Variants in NALF1 observed in about 807,000 individuals in gnomAD.
NALF1 encodes NALCN channel auxiliary factor 1, also known as family with sequence similarity 155 member A.
In NALF1, 3 loss-of-function variants were observed where a neutral mutation model predicts 48.4. The observed-to-expected ratio is 0.06, with a 90% CI of 0.03 to 0.16. NALF1 has a LOEUF of 0.16. NALF1 is among the 10% of genes least tolerant of loss of function. NALF1 has a pLI of 1.00. For missense variants in NALF1, 526 were observed against 571.5 expected (o/e 0.92, Z 0.81); for synonymous variants, 262 against 245.7 (o/e 1.07, Z -0.62).
At chr13:107,413,569 T>C (rs1022165608) in intron 1 of NALF1, among the ~76,000 whole-genome samples, 6 of 152,076 alleles carry the variant, frequency 3.9e-5, no homozygotes, top group Non-Finnish European at 8.8e-5. Context: ...AATAGGTGAC[T>C]ATCTGTTTGT....
At chr13:107,732,509 C>T (rs1421775353) in intron 1 of NALF1, among the ~76,000 whole-genome samples, 3 of 152,148 alleles carry the variant, frequency 2.0e-5, no homozygotes, top group Non-Finnish European at 4.4e-5. Context: ...GTGGCAGTAC[C>T]TATGTCCTTC....
chr13:107,843,922 A>G (rs888308190), intron 1 of NALF1, among the ~76,000 whole-genome samples: 1 of 152,308 alleles, frequency 6.6e-6, no homozygotes. Context: ...CCCTAATAGC[A>G]AATGCTATTG....
At chr13:107,841,968 AAAT>A (rs1880053570) in intron 1 of NALF1, among the ~76,000 whole-genome samples, 1 of 152,058 alleles carries the variant, frequency 6.6e-6, no homozygotes, top group Admixed American at 6.6e-5. Context: ...CACATATTAA[AAAT>A]AAAAATATGC....
intron 1 of NALF1, among the ~76,000 whole-genome samples, chr13:107,567,134 T>C (rs925689100): frequency 7.9e-5 from 12 of 152,208 alleles, no homozygotes; most frequent in Non-Finnish European, 1.6e-4. Context: ...AATTTTGTCC[T>C]TATATGTGAT....
rs939962813 is a variant in NALF1, at chr13:107,528,684, T to C, written c.916-317929A>G. Among the ~76,000 whole-genome samples the C allele has an allele frequency of 3.9e-5, 6 of 152,180 alleles. No homozygotes were observed. The South Asian group carries it at 1.0e-3, about 26-fold the overall frequency. On this transcript the variant is annotated intron_variant, in intron 1 of 2. Coordinates refer to ENST00000375915, the MANE Select transcript of NALF1 (RefSeq NM_001080396.3). ...AGATAACATAGTAGGTCCTGAGGAA[T>C]TACCCCATCAGAGAAGGACAGTGGA... is the stretch of plus-strand genomic sequence containing the variant.
intron 1 of NALF1, chr13:107,320,968 T>C (rs1882243698): frequency 5.7e-6 from 1 of 174,214 alleles, no homozygotes; most frequent in South Asian, 1.5e-4. Context: ...GGTGGTATCA[T>C]TAAGAATGGT....
intron 1 of NALF1, among the ~76,000 whole-genome samples, chr13:107,658,221 T>C (rs539934444): frequency 6.6e-6 from 1 of 151,484 alleles, no homozygotes; most frequent in South Asian, 2.1e-4. Context: ...TTGGTGGATT[T>C]ATCTTACTTA....
At chr13:107,255,228 G>A (rs150193770) in intron 1 of NALF1, among the ~76,000 whole-genome samples, 5 of 152,252 alleles carry the variant, frequency 3.3e-5, no homozygotes, top group South Asian at 2.1e-4. Context: ...AAACACAATC[G>A]ACTGCTTCCC....
At chr13:107,749,128 TTGTGTGTGTGTG>T (rs58213843) in intron 1 of NALF1, among the ~76,000 whole-genome samples, 2 of 147,346 alleles carry the variant, frequency 1.4e-5, no homozygotes, top group East Asian at 2.0e-4. Flanking sequence ...ATGTCTATAA[TTGTGTGTGTGTG>T]TGTGTGTGTG....
intron 1 of NALF1, among the ~76,000 whole-genome samples, chr13:107,743,130 G>A (rs964520475): frequency 3.9e-5 from 6 of 152,140 alleles, no homozygotes; most frequent in African/African-American, 1.4e-4. Flanking sequence ...TTAGCATGTC[G>A]ATATCCCAAC....
rs141842485 is a variant in NALF1 at position 107,850,470 on chromosome 13, C to T, written c.915+15212G>A. Among the ~76,000 whole-genome samples, 1,198 of 152,272 alleles carry T rather than the reference C, an allele frequency of 7.9e-3. 6 individuals are homozygous for T. The highest frequency in any genetic ancestry group is 0.024 in the Middle Eastern group (7 of 294). ...ATAAGTAATAGACTTTACATGCACA[C>T]ATACACACGAAAAGCCGAATCATGG... On this transcript the variant is annotated intron_variant, in intron 1 of 2. Coordinates refer to ENST00000375915, the MANE Select transcript of NALF1 (RefSeq NM_001080396.3).
At chr13:107,304,082 A>T (rs1172410563) in intron 1 of NALF1, among the ~76,000 whole-genome samples, 3 of 152,196 alleles carry the variant, frequency 2.0e-5, no homozygotes, top group African/African-American at 4.8e-5. Context: ...ACACAAGTGG[A>T]TAATTGTGAG....
chr13:107,790,443 T>G (rs1263039441), intron 1 of NALF1, among the ~76,000 whole-genome samples: 1 of 152,164 alleles, frequency 6.6e-6, no homozygotes, highest in Non-Finnish European at 1.5e-5. Context: ...AAACTATACA[T>G]TGTCTAATTA....
chr13:107,529,792 G>A (rs903755580), intron 1 of NALF1, among the ~76,000 whole-genome samples: 2 of 152,074 alleles, frequency 1.3e-5, no homozygotes, highest in Non-Finnish European at 2.9e-5. Flanking sequence ...TGAAGGAAAG[G>A]ATGATGTCTC....
intron 1 of NALF1, among the ~76,000 whole-genome samples, chr13:107,817,015 C>G (rs1275967183): frequency 1.3e-5 from 2 of 152,130 alleles, no homozygotes. Context: ...TTTTTAATCT[C>G]TTCAGAACTT....
intron 1 of NALF1, among the ~76,000 whole-genome samples, chr13:107,241,466 G>C (rs1007120263): frequency 1.2e-4 from 19 of 152,320 alleles, no homozygotes; most frequent in Admixed American, 7.8e-4. Context: ...TACTCAATGA[G>C]AGCATGAATT....
chr13:107,843,663 C>T (rs937560712), intron 1 of NALF1, among the ~76,000 whole-genome samples: 1 of 152,064 alleles, frequency 6.6e-6, no homozygotes, highest in Non-Finnish European at 1.5e-5. Flanking sequence ...GCTTTGTTTT[C>T]CAGCAGATAC....
chr13:107,549,386 G>A (rs1457077470), intron 1 of NALF1, among the ~76,000 whole-genome samples: 1 of 152,122 alleles, frequency 6.6e-6, no homozygotes, highest in Non-Finnish European at 1.5e-5. Context: ...GCCATTAAGA[G>A]TCTCTAAGAA....
intron 1 of NALF1, among the ~76,000 whole-genome samples, chr13:107,241,799 C>T (rs1002444553): frequency 6.6e-6 from 1 of 152,150 alleles, no homozygotes; most frequent in Non-Finnish European, 1.5e-5. Context: ...GTGTCCCAGG[C>T]TTATTGAAAT....
Sources: gnomAD v4.1 joint callset for allele counts (sites outside exome capture counted in the v4.1 genomes callset) on GRCh38, gnomAD v4.1.1 for gene constraint, MANE v1.5 for transcripts, NCBI Gene and HGNC (gene_info 2026-07-23, HGNC 2026-07-21) for gene names.